Variants in CSMD3 observed in about 807,000 individuals in gnomAD.
CSMD3 encodes CUB and sushi domain-containing protein 3.
A neutral mutation model predicts 435.2 loss-of-function variants in CSMD3; 177 were observed. That is an observed-to-expected ratio of 0.41 (90% CI 0.36 to 0.46). The LOEUF is 0.46. CSMD3 is among the 20% of genes least tolerant of loss of function. CSMD3 has a pLI of 0.34. For synonymous variants in CSMD3, 1,656 were observed against 1,520.5 expected (o/e 1.09, Z -2.07); for missense variants, 4,265 against 4,504.6 (o/e 0.95, Z 1.52).
chr8:113,260,404 C>T (rs2093417312), intron 3 of CSMD3, among the ~76,000 whole-genome samples: 1 of 152,082 alleles, frequency 6.6e-6, no homozygotes, highest in Non-Finnish European at 1.5e-5. Context: ...TGGAGTTCCT[C>T]TCCTGTAAAA....
chr8:112,857,862 A>AT (rs1221818616), intron 11 of CSMD3, among the ~76,000 whole-genome samples: 2 of 151,688 alleles, frequency 1.3e-5, no homozygotes, highest in Non-Finnish European at 3.0e-5. Context: ...ACAACCAATA[A>AT]TTTGCACAGA....
At chr8:112,273,843 G>A (rs1442682911) in intron 59 of CSMD3, among the ~76,000 whole-genome samples, 1 of 151,302 alleles carries the variant, frequency 6.6e-6, no homozygotes, top group Non-Finnish European at 1.5e-5. Flanking sequence ...TATTCATCAG[G>A]TGCTATGCTC....
chr8:112,623,840 T>C (rs1444657777), intron 22 of CSMD3, among the ~76,000 whole-genome samples: 1 of 152,088 alleles, frequency 6.6e-6, no homozygotes, highest in Non-Finnish European at 1.5e-5. Context: ...CACCATCACC[T>C]AGCACAGCAT....
chr8:112,869,372 G>C (rs2081069156), intron 10 of CSMD3, among the ~76,000 whole-genome samples: 1 of 152,198 alleles, frequency 6.6e-6, no homozygotes, highest in Middle Eastern at 3.4e-3. Context: ...AGGAATCTAT[G>C]ACCCCAAAAT....
rs540744018 is a variant in CSMD3 at position 113,154,023 on chromosome 8, TA to T, written c.709+19698del. 5.9e-3 allele frequency among the ~76,000 whole-genome samples: 897 copies of T among 152,100 alleles called. 4 individuals carry two copies. The highest frequency in any genetic ancestry group is 0.019 in the African/African-American group (797 of 41,540). On this transcript the variant is annotated intron_variant, in intron 4 of 70. Transcript: ENST00000297405. The stretch of plus-strand genomic sequence containing the variant: ...AGATTAACTACATCCCAATAAATGG[TA>T]AGTTTGGTGCACATATTTAAATTAT...
chr8:112,572,920 AC>A (rs11343175), intron 24 of CSMD3, among the ~76,000 whole-genome samples: 152,216 of 152,216 alleles, frequency 1, 76,108 homozygotes, highest in Non-Finnish European at 1. Context: ...GATGAAACCC[AC>A]CCTACCCCTG....
chr8:112,798,555 A>G (rs952047718), intron 13 of CSMD3, among the ~76,000 whole-genome samples: 2 of 151,838 alleles, frequency 1.3e-5, no homozygotes, highest in African/African-American at 4.8e-5. Flanking sequence ...GAATTGTTTA[A>G]TTACTATTGT....
At chr8:113,018,946 T>A (rs966513706) in intron 6 of CSMD3, 121 bp downstream of exon 6, 56 of 737,364 alleles carry the variant, frequency 7.6e-5, no homozygotes, top group Admixed American at 2.0e-4. Flanking sequence ...AGCATGACCA[T>A]TTTTTTCAAT....
At chr8:113,404,545 A>T (rs2094524195) in intron 1 of CSMD3, among the ~76,000 whole-genome samples, 1 of 151,408 alleles carries the variant, frequency 6.6e-6, no homozygotes, top group Non-Finnish European at 1.5e-5. Context: ...ATTATATAGA[A>T]TAAAAGGGGA....
chr8:112,517,043 C>T lies in CSMD3; in HGVS notation c.4747G>A (p.Val1583Ile), dbSNP rs577986757. The change falls in exon 28 of 71, where the codon GTC becomes ATC. Residue 1583 changes from valine to isoleucine, a missense_variant. Coordinates refer to ENST00000297405, the MANE Select transcript of CSMD3 (RefSeq NM_198123.2). ...GTTCTTTAATTCATACCTATACAGACTGGTGGGCTGGGCTGCCAGAAGTAC... is the reference window on the plus strand; with the variant it reads ...GTTCTTTAATTCATACCTATACAGATTGGTGGGCTGGGCTGCCAGAAGTAC... Reference protein sequence around the residue: ...NRYFWQPSPPVCIAPCGGNLT... With the variant: ...NRYFWQPSPPICIAPCGGNLT... 4 of 1,612,468 alleles carry T rather than the reference C, an allele frequency of 2.5e-6. No individual in the cohort carries two copies. In the East Asian group the frequency reaches 6.7e-5, roughly 27 times the overall value.
chr8:112,566,076 A>G (rs1829042635), intron 24 of CSMD3, among the ~76,000 whole-genome samples: 1 of 151,366 alleles, frequency 6.6e-6, no homozygotes, highest in Non-Finnish European at 1.5e-5. Context: ...GACAGTTTTA[A>G]AAATACATTA....
chr8:113,318,282 T>G (rs1344877050), intron 1 of CSMD3, among the ~76,000 whole-genome samples: 1 of 152,176 alleles, frequency 6.6e-6, no homozygotes, highest in Non-Finnish European at 1.5e-5. Flanking sequence ...AGGCAAATTT[T>G]GTTTTTCATT....
intron 13 of CSMD3, among the ~76,000 whole-genome samples, chr8:112,706,017 G>A (rs1014196839): frequency 6.6e-6 from 1 of 151,984 alleles, no homozygotes; most frequent in Non-Finnish European, 1.5e-5. Flanking sequence ...CTCAGTTTGG[G>A]ACTAGGTACT....
chr8:112,330,326 C>A lies in CSMD3; in HGVS notation c.7165+5003G>T, dbSNP rs539911626. On this transcript the variant is annotated intron_variant, in intron 45 of 70. Coordinates refer to ENST00000297405, the MANE Select transcript of CSMD3 (RefSeq NM_198123.2). ...AACTCATTCTTCAATAGAAAATGTGCCAATAACAGAAAATAATAACATAAT... is the reference window on the plus strand; with the variant it reads ...AACTCATTCTTCAATAGAAAATGTGACAATAACAGAAAATAATAACATAAT... 7.9e-5 allele frequency among the ~76,000 whole-genome samples: 12 copies of A among 151,690 alleles called. No individual in the cohort carries two copies. The East Asian group carries it at 1.9e-3, about 24-fold the overall frequency.
chr8:112,321,590 G>T (rs962578262), intron 45 of CSMD3, among the ~76,000 whole-genome samples: 6 of 152,010 alleles, frequency 3.9e-5, no homozygotes, highest in Admixed American at 3.9e-4. Flanking sequence ...AGATTAATTG[G>T]CTAATAAACA....
At position 112,304,911 on chromosome 8, in the gene CSMD3, A is replaced by G. The variant is rs201693713; in HGVS notation, c.8076T>C (p.Val2692=). 8 of 1,612,846 alleles carry G rather than the reference A, an allele frequency of 5.0e-6. No individual in the cohort carries two copies. The East Asian group carries it at 8.9e-5, about 18-fold the overall frequency. ...NHNKTPRCVV[V]TCPSINSFIL... The stretch of plus-strand genomic sequence containing the variant: ...TAAAGGAATTGATGCTTGGACATGT[A>G]ACAACTATACAAAAACCAAAGGGTG... Residue 2692 remains valine (V), a synonymous_variant, in exon 52 of 71, where the codon GTT becomes GTC. Coordinates refer to ENST00000297405, the MANE Select transcript of CSMD3 (RefSeq NM_198123.2).
intron 3 of CSMD3, among the ~76,000 whole-genome samples, chr8:113,241,484 A>G (rs1464112208): frequency 6.6e-6 from 1 of 151,982 alleles, no homozygotes; most frequent in East Asian, 1.9e-4. Context: ...AGAATCTTAA[A>G]TGTTCAGAAA....
chr8:113,264,996 C>T (rs2093457813), intron 3 of CSMD3, among the ~76,000 whole-genome samples: 1 of 151,576 alleles, frequency 6.6e-6, no homozygotes, highest in Non-Finnish European at 1.5e-5. Flanking sequence ...GGCAGGTACA[C>T]AAAATGAGTA....
At chr8:113,352,562 A>C in intron 1 of CSMD3, among the ~76,000 whole-genome samples, 1 of 152,220 alleles carries the variant, frequency 6.6e-6, no homozygotes, top group East Asian at 1.9e-4. Flanking sequence ...ACACCTGCTA[A>C]GGACAGTGCT....
Sources: gnomAD v4.1 joint callset for allele counts (sites outside exome capture counted in the v4.1 genomes callset) on GRCh38, gnomAD v4.1.1 for gene constraint, MANE v1.5 for transcripts, NCBI Gene and HGNC (gene_info 2026-07-23, HGNC 2026-07-21) for gene names.